Variants in EPHA3 observed in about 807,000 individuals in gnomAD.
EPHA3 encodes ephrin type-A receptor 3.
A neutral mutation model predicts 107.1 loss-of-function variants in EPHA3; 42 were observed. The observed-to-expected ratio is 0.39, with a 90% CI of 0.31 to 0.51. The LOEUF (loss-of-function observed/expected upper bound fraction) is 0.51, where lower values mean the gene tolerates loss of function less well. Ranked by LOEUF, EPHA3 falls within the 20% of genes least tolerant of loss-of-function variation. The probability of loss-of-function intolerance (pLI) is 0.78; values close to 1 mark genes in which losing one functional copy is unlikely to be tolerated. For missense variants in EPHA3, 1,183 were observed against 1,211.2 expected (o/e 0.98, Z 0.35); for synonymous variants, 461 against 424.8 (o/e 1.09, Z -1.05).
intron 2 of EPHA3, among the ~76,000 whole-genome samples, chr3:89,189,357 G>A (rs1308052049): frequency 1.3e-5 from 2 of 152,166 alleles, no homozygotes; most frequent in Non-Finnish European, 2.9e-5. Context: ...CACTTTGGGA[G>A]GCCAAGGCAG....
intron 3 of EPHA3, among the ~76,000 whole-genome samples, chr3:89,211,736 T>TCTTCTC (rs200349635): frequency 9.4e-5 from 1 of 10,650 alleles, no homozygotes; most frequent in Non-Finnish European, 2.5e-4. Flanking sequence ...TTCTTCTTCT[T>TCTTCTC]CTTCTCCTTC....
At chr3:89,167,338 T>A (rs1314614429) in intron 2 of EPHA3, among the ~76,000 whole-genome samples, 1 of 152,072 alleles carries the variant, frequency 6.6e-6, no homozygotes, top group Non-Finnish European at 1.5e-5. Context: ...ATTTAAAATA[T>A]CACATTTATA....
intron 5 of EPHA3, among the ~76,000 whole-genome samples, chr3:89,363,091 C>A (rs1576337141): frequency 6.6e-6 from 1 of 150,760 alleles, no homozygotes; most frequent in East Asian, 2.0e-4. Context: ...TGGTTTCATG[C>A]ATAGATTTGC....
At chr3:89,272,286 T>G (rs1705689064) in intron 3 of EPHA3, among the ~76,000 whole-genome samples, 1 of 151,860 alleles carries the variant, frequency 6.6e-6, no homozygotes, top group African/African-American at 2.4e-5. Context: ...ATTACCATTT[T>G]TTTTTGGCTA....
rs528298254 is a variant in EPHA3, at chr3:89,329,883, T to C, written c.815-11033T>C. 4.6e-5 allele frequency among the ~76,000 whole-genome samples: 7 copies of C among 152,142 alleles called. No homozygotes were observed. The South Asian group carries it at 6.2e-4, about 14-fold the overall frequency. Reference sequence around the variant, plus strand: ...TCTGACATACAAATGTCAGTGAATATACAAATCTGAAACTTTATAGAGGCA... The same window carrying C: ...TCTGACATACAAATGTCAGTGAATACACAAATCTGAAACTTTATAGAGGCA... On this transcript the variant is annotated intron_variant, in intron 3 of 16. Coordinates refer to ENST00000336596, the MANE Select transcript of EPHA3 (RefSeq NM_005233.6).
intron 3 of EPHA3, among the ~76,000 whole-genome samples, chr3:89,259,945 A>G (rs988638529): frequency 6.6e-6 from 1 of 152,100 alleles, no homozygotes; most frequent in Admixed American, 6.5e-5. Flanking sequence ...TGCTTATTTC[A>G]TGTAGCATAA....
chr3:89,359,184 T>C (rs1401980480), intron 5 of EPHA3, among the ~76,000 whole-genome samples: 1 of 151,096 alleles, frequency 6.6e-6, no homozygotes, highest in Non-Finnish European at 1.5e-5. Flanking sequence ...ATGTCTAAAG[T>C]TTAGAAATGT....
intron 3 of EPHA3, among the ~76,000 whole-genome samples, chr3:89,302,634 C>A (rs574151867): frequency 6.6e-6 from 1 of 151,864 alleles, no homozygotes; most frequent in African/African-American, 2.4e-5. Flanking sequence ...TTTCTAATAC[C>A]CTTCTCTCCA....
At chr3:89,474,336 G>A (rs1710464692) in intron 16 of EPHA3, among the ~76,000 whole-genome samples, 1 of 152,102 alleles carries the variant, frequency 6.6e-6, no homozygotes, top group Non-Finnish European at 1.5e-5. Context: ...GGTGTTTATT[G>A]AATAGACTTC....
At position 89,190,429 on chromosome 3, in the gene EPHA3, G is replaced by A. The variant is rs1030233842; in HGVS notation, c.154-19431G>A. Among the ~76,000 whole-genome samples the A allele has an allele frequency of 1.7e-4, 26 of 150,312 alleles. No individual in the cohort carries two copies. In the Middle Eastern group the frequency reaches 0.01, roughly 59 times the overall value. On this transcript the variant is annotated intron_variant, in intron 2 of 16. Transcript: ENST00000336596. ...AATTAACCAATTACCTATAAACATA[G>A]GCTTTATTTTAATATTAAACATTTA...
Position 89,395,824 on chromosome 3 carries a change from C to G in EPHA3, c.1307-13C>G. 6.2e-7 allele frequency: 1 copy of G among 1,612,946 alleles called. No individual in the cohort carries two copies. The highest frequency in any genetic ancestry group is 1.1e-5 in the South Asian group (1 of 90,722). The stretch of plus-strand genomic sequence containing the variant: ...GCTTCCTTCCACCTTCCCCTCCCAT[C>G]CTCTCTTTACAGCTCCATCACCTGT... On this transcript the variant is annotated splice_polypyrimidine_tract_variant and intron_variant, in intron 5 of 16. Coordinates refer to ENST00000336596, the MANE Select transcript of EPHA3 (RefSeq NM_005233.6).
intron 3 of EPHA3, among the ~76,000 whole-genome samples, chr3:89,253,038 G>C (rs1251909565): frequency 1.3e-5 from 2 of 151,700 alleles, no homozygotes; most frequent in African/African-American, 4.8e-5. Context: ...TAGTTATTCC[G>C]AGCAATAGAG....
intron 15 of EPHA3, among the ~76,000 whole-genome samples, chr3:89,466,945 A>T (rs1710290348): frequency 6.6e-6 from 1 of 152,134 alleles, no homozygotes; most frequent in Non-Finnish European, 1.5e-5. Context: ...AACTTCAAAG[A>T]TTTTTGTCCT....
chr3:89,135,270 C>T (rs1348381616), intron 2 of EPHA3, among the ~76,000 whole-genome samples: 1 of 152,096 alleles, frequency 6.6e-6, no homozygotes, highest in East Asian at 1.9e-4. Context: ...ATAAGTTCCT[C>T]TACCTCCTTA....
At chr3:89,306,666 G>C (rs2107353843) in intron 3 of EPHA3, among the ~76,000 whole-genome samples, 1 of 152,266 alleles carries the variant, frequency 6.6e-6, no homozygotes, top group South Asian at 2.1e-4. Context: ...GGCTTCTCCA[G>C]GCTGGCTTAC....
intron 7 of EPHA3, among the ~76,000 whole-genome samples, chr3:89,405,399 A>C (rs931961709): frequency 6.6e-6 from 1 of 152,068 alleles, no homozygotes; most frequent in Non-Finnish European, 1.5e-5. Flanking sequence ...TGCTGACTGT[A>C]CTCTCTGCAG....
intron 5 of EPHA3, among the ~76,000 whole-genome samples, chr3:89,345,063 C>A (rs1308643921): frequency 6.6e-6 from 1 of 150,982 alleles, no homozygotes; most frequent in Non-Finnish European, 1.5e-5. Flanking sequence ...TGAGTATATT[C>A]ATCTTTTTTT....
At position 89,481,831 on chromosome 3, in the gene EPHA3, A is replaced by C; in HGVS notation, c.*2329A>C. On this transcript the variant is annotated 3_prime_UTR_variant, in exon 17 of 17. Transcript: ENST00000336596. ...GGAACTGCATTGACTTTCAGTAAACATAAAGCCACAACTCCTACATGATGT... is the reference window on the plus strand; with the variant it reads ...GGAACTGCATTGACTTTCAGTAAACCTAAAGCCACAACTCCTACATGATGT... The C allele has an allele frequency of 4.3e-6, 1 of 231,804 alleles. No homozygotes were observed. Among genetic ancestry groups the C allele is most frequent in the East Asian group, 6.1e-5 (1 of 16,306 alleles). 14.4% of individuals were successfully genotyped at this position (231,804 alleles called of 1,614,324 possible). A position where few individuals can be genotyped will look rare whatever the true frequency, so the allele number is the denominator to read the frequency against.
chr3:89,203,504 T>G (rs548965958), intron 2 of EPHA3, among the ~76,000 whole-genome samples: 1 of 151,928 alleles, frequency 6.6e-6, no homozygotes, highest in African/African-American at 2.4e-5. Context: ...CTGGGCGCGG[T>G]GGCTCAAGCC....
Sources: gnomAD v4.1 joint callset for allele counts (sites outside exome capture counted in the v4.1 genomes callset) on GRCh38, gnomAD v4.1.1 for gene constraint, MANE v1.5 for transcripts, NCBI Gene and HGNC (gene_info 2026-07-23, HGNC 2026-07-21) for gene names.